Variants in STK39 observed in about 807,000 individuals in gnomAD.
STK39 encodes the protein STE20/SPS1-related proline-alanine-rich protein kinase.
Under a neutral mutation model 77.8 loss-of-function variants are expected in STK39, and 20 were observed. That is an observed-to-expected ratio of 0.26 (90% CI 0.18 to 0.37). The LOEUF is 0.37. Ranked by LOEUF, STK39 falls within the 10% of genes least tolerant of loss-of-function variation. The pLI, the probability that STK39 is intolerant of heterozygous loss-of-function variation, is 1.00. For synonymous variants in STK39, 246 were observed against 234.1 expected (o/e 1.05, Z -0.47); for missense variants, 479 against 656.5 (o/e 0.73, Z 2.95).
intron 8 of STK39, among the ~76,000 whole-genome samples, chr2:168,133,647 C>T (rs1016159647): frequency 1.3e-5 from 2 of 152,076 alleles, no homozygotes; most frequent in South Asian, 2.1e-4. Context: ...CACTTGAGGT[C>T]AGGAGTTCAA....
At position 168,021,783 on chromosome 2, in the gene STK39, C is replaced by CT. The variant is rs1418114457; in HGVS notation, c.1377-4689_1377-4688insA. ...AAATACATACAGAACTCAGAAAGGA[C>CT]ATTTATTTTTTTTTTAAGTAGGTGA... On this transcript the variant is annotated intron_variant, in intron 14 of 17. Coordinates refer to ENST00000355999, the MANE Select transcript of STK39 (RefSeq NM_013233.3). Among the ~76,000 whole-genome samples, 14 of 129,928 alleles carry CT rather than the reference C, an allele frequency of 1.1e-4. No homozygotes were observed. In the East Asian group the frequency reaches 2.4e-3, roughly 22 times the overall value. 85.2% of individuals were successfully genotyped at this position (129,928 alleles called of 152,430 possible). A position where few individuals can be genotyped will look rare whatever the true frequency, so the allele number is the denominator to read the frequency against.
At chr2:168,207,466 A>G (rs1049407614) in intron 1 of STK39, among the ~76,000 whole-genome samples, 7 of 152,214 alleles carry the variant, frequency 4.6e-5, no homozygotes, top group African/African-American at 1.7e-4. Context: ...TGCACCACCT[A>G]AATGAAGGCA....
intron 10 of STK39, among the ~76,000 whole-genome samples, chr2:168,096,170 AT>A (rs908338830): frequency 1.3e-4 from 20 of 151,562 alleles, no homozygotes; most frequent in Admixed American, 3.9e-4. Context: ...ATTGGCTGAG[AT>A]TTTTTTTTCA....
chr2:168,120,328 C>T lies in STK39; in HGVS notation c.1089+9213G>A, dbSNP rs569660992. Reference sequence around the variant, plus strand: ...TTTTCTCTCTTCCCCCTTCACATGTCCCCCATCTACCAGCTTCATGACCTT... The same window carrying T: ...TTTTCTCTCTTCCCCCTTCACATGTTCCCCATCTACCAGCTTCATGACCTT... On this transcript the variant is annotated intron_variant, in intron 10 of 17. Transcript: ENST00000355999. Among the ~76,000 whole-genome samples the T allele has an allele frequency of 3.3e-4, 50 of 152,288 alleles. No homozygotes were observed. In the South Asian group the frequency reaches 0.01, roughly 32 times the overall value.
chr2:167,971,854 T>C (rs1018775535), intron 16 of STK39, among the ~76,000 whole-genome samples: 1 of 152,176 alleles, frequency 6.6e-6, no homozygotes, highest in Non-Finnish European at 1.5e-5. Context: ...CAGTTAAAAA[T>C]GGATTAAACA....
chr2:168,171,737 C>T (rs1688830084), intron 2 of STK39, among the ~76,000 whole-genome samples: 1 of 152,084 alleles, frequency 6.6e-6, no homozygotes, highest in African/African-American at 2.4e-5. Context: ...AATCCTCCTC[C>T]TTGGTCTCCC....
intron 16 of STK39, among the ~76,000 whole-genome samples, chr2:168,011,378 A>T (rs1222616212): frequency 1.2e-5 from 1 of 86,744 alleles, no homozygotes; most frequent in Non-Finnish European, 2.2e-5. Flanking sequence ...TTTTGATTTG[A>T]ATATTTTAAT....
chr2:168,124,651 G>A (rs1245952842), intron 10 of STK39, among the ~76,000 whole-genome samples: 3 of 152,094 alleles, frequency 2.0e-5, no homozygotes, highest in Middle Eastern at 3.4e-3. Context: ...CTCCCACCTC[G>A]GCCTCCCAAA....
rs1473626549 is a variant in STK39 at position 168,012,638 on chromosome 2, A to G, written c.1494T>C (p.Val498=). Residue 498 remains valine (V), a synonymous_variant, in exon 16 of 18, where the codon GTT becomes GTC. Coordinates refer to ENST00000355999, the MANE Select transcript of STK39 (RefSeq NM_013233.3). ...SAGLVDGHDV[V]IVAANLQKIV... Reference sequence around the variant, plus strand: ...GCATACTAAAAAACAATTTACCTATAACTACATCGTGACCATCCACCAAGC... The same window carrying G: ...GCATACTAAAAAACAATTTACCTATGACTACATCGTGACCATCCACCAAGC... 6.2e-7 allele frequency: 1 copy of G among 1,613,598 alleles called. No individual in the cohort carries two copies. The highest frequency in any genetic ancestry group is 2.2e-5 in the East Asian group (1 of 44,804).
intron 1 of STK39, among the ~76,000 whole-genome samples, chr2:168,193,307 CT>C (rs745451800): frequency 2.4e-4 from 37 of 152,308 alleles, no homozygotes; most frequent in Admixed American, 1.0e-3. Context: ...CTTCCCCCCC[CT>C]CTTCACACAC....
chr2:168,056,620 T>A (rs976793686), intron 14 of STK39, among the ~76,000 whole-genome samples: 1 of 152,064 alleles, frequency 6.6e-6, no homozygotes, highest in African/African-American at 2.4e-5. Context: ...ACGCATCACA[T>A]TGAGGAGTGA....
intron 1 of STK39, among the ~76,000 whole-genome samples, chr2:168,215,257 TCCC>T (rs1203900790): frequency 2.6e-5 from 4 of 151,866 alleles, no homozygotes; most frequent in African/African-American, 4.8e-5. Flanking sequence ...AATCATACTC[TCCC>T]CCCATTTCCA....
chr2:168,210,029 GA>G (rs1689848178), intron 1 of STK39, among the ~76,000 whole-genome samples: 1 of 81,172 alleles, frequency 1.2e-5, no homozygotes, highest in Non-Finnish European at 2.5e-5. Context: ...AGAAAGGAAA[GA>G]AAGGAAGGAA....
In STK39 at chr2:168,130,868, T is replaced by G. The variant is rs914934144; in HGVS notation, c.975-1110A>C. 2.6e-5 allele frequency among the ~76,000 whole-genome samples: 4 copies of G among 152,262 alleles called. No homozygotes were observed. In the South Asian group the frequency reaches 8.3e-4, roughly 32 times the overall value. On this transcript the variant is annotated intron_variant, in intron 8 of 17. Coordinates refer to ENST00000355999, the MANE Select transcript of STK39 (RefSeq NM_013233.3). The stretch of plus-strand genomic sequence containing the variant: ...TTGCTCAGCAAGACAACTGGCCTGA[T>G]CTCTTTCAGGGGGACTGAAGGAACT...
intron 17 of STK39, among the ~76,000 whole-genome samples, chr2:167,961,993 T>C (rs1691991184): frequency 1.3e-5 from 2 of 152,172 alleles, no homozygotes. Context: ...CATTCATTCC[T>C]GGAGGCGCAC....
intron 10 of STK39, among the ~76,000 whole-genome samples, chr2:168,125,620 C>T (rs80303845): frequency 0.013 from 2,052 of 152,146 alleles, 37 homozygotes; most frequent in East Asian, 0.086. Flanking sequence ...CAAGATGATC[C>T]CTAAACAACA....
chr2:168,041,112 A>G (rs1416142437), intron 14 of STK39, among the ~76,000 whole-genome samples: 6 of 152,188 alleles, frequency 3.9e-5, no homozygotes, highest in African/African-American at 1.4e-4. Context: ...ATCTGACCTC[A>G]GCAGGTGTGT....
chr2:168,165,740 G>A (rs1223531374), intron 3 of STK39, among the ~76,000 whole-genome samples: 2 of 151,456 alleles, frequency 1.3e-5, no homozygotes, highest in African/African-American at 2.4e-5. Context: ...CAATGCCTTC[G>A]TCATCTCATT....
At chr2:168,021,326 T>C (rs985754049) in intron 14 of STK39, among the ~76,000 whole-genome samples, 2 of 152,198 alleles carry the variant, frequency 1.3e-5, no homozygotes, top group African/African-American at 4.8e-5. Context: ...AAGTCATTCT[T>C]TTTATGACTC....
Sources: gnomAD v4.1 joint callset for allele counts (sites outside exome capture counted in the v4.1 genomes callset) on GRCh38, gnomAD v4.1.1 for gene constraint, MANE v1.5 for transcripts, NCBI Gene and HGNC (gene_info 2026-07-23, HGNC 2026-07-21) for gene names.